The following LOXHD1 variants were observed in gnomAD, a reference collection of about 807,000 sequenced individuals.
LOXHD1 encodes the protein lipoxygenase homology domain-containing protein 1.
In LOXHD1, 205 loss-of-function variants were observed where a neutral mutation model predicts 248.2. The observed-to-expected ratio is 0.83, with a 90% confidence interval of 0.74 to 0.93. The LOEUF is 0.93. LOXHD1 is among the 40% of genes least tolerant of loss of function. The pLI, the probability that LOXHD1 is intolerant of heterozygous loss-of-function variation, is 0.00. For missense variants in LOXHD1, 2,930 were observed against 2,971.6 expected (o/e 0.99, Z 0.33); for synonymous variants, 1,113 against 1,162.8 (o/e 0.96, Z 0.87).
chr18:46,517,806 A>G (rs901390329), intron 34 of LOXHD1, among the ~76,000 whole-genome samples: 1 of 152,236 alleles, frequency 6.6e-6, no homozygotes, highest in African/African-American at 2.4e-5. Context: ...TTGCCATAGT[A>G]CAGTTAATGA....
At chr18:46,643,489 AC>A (rs2038989314) in intron 2 of LOXHD1, among the ~76,000 whole-genome samples, 2 of 152,334 alleles carry the variant, frequency 1.3e-5, no homozygotes, top group South Asian at 4.1e-4. Flanking sequence ...AAAATAACTT[AC>A]CAGACCAAGC....
rs146697470 is a variant in LOXHD1 at position 46,654,554 on chromosome 18, C to T, written c.130+2350G>A. Among the ~76,000 whole-genome samples the T allele has an allele frequency of 5.5e-3, 832 of 152,350 alleles. 13 individuals carry two copies. The highest frequency in any genetic ancestry group is 0.019 in the African/African-American group (797 of 41,576). ...CCCTCAAAGCATTGAGGGAGCTGCT[C>T]TCCTCCCTCTGGTTATTGGGGAATC... On this transcript the variant is annotated intron_variant, in intron 1 of 40. Coordinates refer to ENST00000642948, the MANE Select transcript of LOXHD1 (RefSeq NM_001384474.1).
intron 4 of LOXHD1, among the ~76,000 whole-genome samples, chr18:46,626,371 C>G (rs2144346811): frequency 6.6e-6 from 1 of 152,218 alleles, no homozygotes; most frequent in African/African-American, 2.4e-5. Flanking sequence ...AACCCTGTCT[C>G]TAATAAAAAA....
chr18:46,508,682 T>A (rs565163638), intron 35 of LOXHD1, among the ~76,000 whole-genome samples: 1 of 152,366 alleles, frequency 6.6e-6, no homozygotes, highest in South Asian at 2.1e-4. Context: ...CAAGTTCGCA[T>A]GCCTAGGACC....
In LOXHD1 at chr18:46,592,210, T is replaced by A; in HGVS notation, c.1519-142A>T. 4 of 1,197,742 alleles carry A rather than the reference T, an allele frequency of 3.3e-6. 1 individual carries two copies. In the South Asian group the frequency reaches 5.9e-5, roughly 18 times the overall value. The allele number at this position is 1,197,742 out of a possible 1,614,324, so 74.2% of individuals were successfully genotyped here. A position where few individuals can be genotyped will look rare whatever the true frequency, so the allele number is the denominator to read the frequency against. ...CCTTATGGCAGGCAGAGGGCCGGATTAGTATTTGTTCCTGGTTTCCTGGAT... is the reference window on the plus strand; with the variant it reads ...CCTTATGGCAGGCAGAGGGCCGGATAAGTATTTGTTCCTGGTTTCCTGGAT... On this transcript the variant is annotated intron_variant, in intron 11 of 40. Coordinates refer to ENST00000642948, the MANE Select transcript of LOXHD1 (RefSeq NM_001384474.1).
intron 13 of LOXHD1, 51 bp downstream of exon 13, chr18:46,579,579 G>A: frequency 6.5e-7 from 1 of 1,549,908 alleles, no homozygotes; most frequent in Non-Finnish European, 8.7e-7. Flanking sequence ...AGGGAACATG[G>A]GAAGGGAACT....
chr18:46,545,937 T>C lies in LOXHD1; in HGVS notation c.3515-516A>G, dbSNP rs2036800947. 6.4e-5 allele frequency among the ~76,000 whole-genome samples: 2 copies of C among 31,050 alleles called. 1 individual carries two copies. Among genetic ancestry groups the C allele is most frequent in the Non-Finnish European group, 1.4e-4 (2 of 13,830 alleles). 20.4% of individuals were successfully genotyped at this position (31,050 alleles called of 152,430 possible). On this transcript the variant is annotated intron_variant, in intron 22 of 40. Coordinates refer to ENST00000642948, the MANE Select transcript of LOXHD1 (RefSeq NM_001384474.1). The stretch of plus-strand genomic sequence containing the variant: ...AGCCACCGCGCCTCTTGGCCATTTC[T>C]AAGAATCATTTTTTTTTTCAGCATG...
intron 16 of LOXHD1, among the ~76,000 whole-genome samples, chr18:46,566,892 TACCCATCCTGAAGGTGACAGAATATC>T (rs1247369378): frequency 4.4e-4 from 67 of 152,340 alleles, no homozygotes; most frequent in South Asian, 1.7e-3. Flanking sequence ...TTCTTCAACA[TACCCATCCTGAAGGTGACAGAATATC>T]ACCCATCCTG....
In LOXHD1 at chr18:46,594,444, G is replaced by T. The variant is rs1011878481; in HGVS notation, c.1157C>A (p.Thr386Asn). 6.4e-7 allele frequency: 1 copy of T among 1,551,630 alleles called. No individual in the cohort carries two copies. The highest frequency in any genetic ancestry group is 8.7e-7 in the Non-Finnish European group (1 of 1,147,008). ...ACAAGGGAAGGTCTGCTGGATACCA[G>T]TGAAGGGGCACAGAATCACCACCTG... ...CEKVVILCPF[T>N]GIQQTFPCSN... Residue 386 changes from threonine to asparagine, a missense_variant, in exon 9 of 41, where the codon ACT (threonine) becomes AAT (asparagine). Transcript: ENST00000642948.
chr18:46,551,336 C>A (rs1321071114), intron 21 of LOXHD1, among the ~76,000 whole-genome samples: 3 of 152,068 alleles, frequency 2.0e-5, no homozygotes, highest in Non-Finnish European at 4.4e-5. Context: ...ATCTCCTGAC[C>A]TTGTGATCCA....
At chr18:46,559,039 C>T in intron 20 of LOXHD1, 1 of 798,226 alleles carries the variant, frequency 1.3e-6, no homozygotes, top group Non-Finnish European at 1.8e-6. Flanking sequence ...AGAACATCTT[C>T]CACTGTTGCC....
intron 40 of LOXHD1, among the ~76,000 whole-genome samples, chr18:46,482,728 C>T (rs572482136): frequency 4.4e-4 from 67 of 152,320 alleles, no homozygotes; most frequent in African/African-American, 1.4e-3. Flanking sequence ...GCCTGGCTGC[C>T]GCTTCTGTGC....
chr18:46,578,401 T>C (rs1208456929), intron 13 of LOXHD1, among the ~76,000 whole-genome samples: 1 of 151,944 alleles, frequency 6.6e-6, no homozygotes, highest in East Asian at 1.9e-4. Flanking sequence ...CGTCAGAAGA[T>C]GTAGGAGTAA....
At chr18:46,562,117 G>A (rs1374290259) in intron 18 of LOXHD1, among the ~76,000 whole-genome samples, 1 of 152,244 alleles carries the variant, frequency 6.6e-6, no homozygotes, top group East Asian at 1.9e-4. Flanking sequence ...TAACTGATGA[G>A]GAAGTGGAGG....
chr18:46,656,792 G>T, intron 1 of LOXHD1, 112 bp downstream of exon 1: 11 of 1,227,430 alleles, frequency 9.0e-6, no homozygotes, highest in Non-Finnish European at 1.2e-5. Flanking sequence ...GGGATAATCA[G>T]TGAGGAAGGG....
intron 16 of LOXHD1, 111 bp downstream of exon 16, chr18:46,569,329 CAT>C (rs2037704982): frequency 2.2e-6 from 2 of 914,252 alleles, no homozygotes; most frequent in African/African-American, 1.6e-5. Context: ...CCCTTATGTA[CAT>C]GAGTGTGTGC....
chr18:46,529,064 G>T, intron 29 of LOXHD1, 113 bp downstream of exon 29: 2 of 1,315,212 alleles, frequency 1.5e-6, no homozygotes, highest in Non-Finnish European at 2.1e-6. Context: ...AAATGAGTGT[G>T]CACAATGCCC....
In LOXHD1 at chr18:46,541,839, C is replaced by G. The variant is rs866219682; in HGVS notation, c.3850G>C (p.Asp1284His). ...PCGRWLAKNEDDGSIIRDLFH... is the reference protein window; with the variant it reads ...PCGRWLAKNEHDGSIIRDLFH... ...AGGTCTCTGATGATGGACCCGTCGT[C>G]TTCGTTTTTGGCCAGCCAGCGGCCA... is the stretch of plus-strand genomic sequence containing the variant. Residue 1284 changes from aspartate (D) to histidine (H), a missense_variant, in exon 25 of 41, where the codon GAC (aspartate) becomes CAC (histidine). Asp to His is a moderately conservative substitution (Grantham distance 81). Coordinates refer to ENST00000642948, the MANE Select transcript of LOXHD1 (RefSeq NM_001384474.1). 9 of 1,551,610 alleles carry G rather than the reference C, an allele frequency of 5.8e-6. No homozygotes were observed. Among genetic ancestry groups the G allele is most frequent in the Non-Finnish European group, 7.0e-6 (8 of 1,147,020 alleles).
At position 46,642,729 on chromosome 18, in the gene LOXHD1, G is replaced by T. The variant is rs149817844; in HGVS notation, c.246-693C>A. Among the ~76,000 whole-genome samples the T allele has an allele frequency of 6.1e-3, 935 of 152,326 alleles. 14 individuals are homozygous for T. The highest frequency in any genetic ancestry group is 0.022 in the African/African-American group (900 of 41,582). On this transcript the variant is annotated intron_variant, in intron 2 of 40. Coordinates refer to ENST00000642948, the MANE Select transcript of LOXHD1 (RefSeq NM_001384474.1). ...CTAAGTACAGTGAGCATAGACACAG[G>T]AGGGCTGCAGCAGCCTCGCCACAGA...
Sources: gnomAD v4.1 joint callset for allele counts (sites outside exome capture counted in the v4.1 genomes callset) on GRCh38, gnomAD v4.1.1 for gene constraint, MANE v1.5 for transcripts, NCBI Gene and HGNC (gene_info 2026-07-23, HGNC 2026-07-21) for gene names.